ZMAT3: variants seen among roughly 807,000 people sequenced by gnomAD.
The protein encoded by ZMAT3 is zinc finger matrin-type 3.
A neutral mutation model predicts 32.3 loss-of-function variants in ZMAT3; 17 were observed. The ratio of observed to expected loss-of-function variants is 0.53; its 90% CI spans 0.36 to 0.79. The LOEUF (loss-of-function observed/expected upper bound fraction) is 0.79, where lower values mean the gene tolerates loss of function less well. ZMAT3 is among the 30% of genes least tolerant of loss of function. ZMAT3 has a pLI of 0.00. For missense variants in ZMAT3, 329 were observed against 359.7 expected (o/e 0.91, Z 0.69); for synonymous variants, 120 against 133.1 (o/e 0.90, Z 0.68).
chr3:179,069,934 G>A (rs2108595088), intron 1 of ZMAT3, among the ~76,000 whole-genome samples: 1 of 152,238 alleles, frequency 6.6e-6, no homozygotes, highest in South Asian at 2.1e-4. Flanking sequence ...TCTCTTAATT[G>A]AATCAAGCAA....
At chr3:179,047,265 T>C (rs1415389221) in intron 2 of ZMAT3, among the ~76,000 whole-genome samples, 2 of 152,124 alleles carry the variant, frequency 1.3e-5, no homozygotes, top group African/African-American at 2.4e-5. Flanking sequence ...TAACAATTAT[T>C]GCAGTTCAGC....
At chr3:179,066,292 G>A (rs532967785) in intron 2 of ZMAT3, among the ~76,000 whole-genome samples, 46 of 152,232 alleles carry the variant, frequency 3.0e-4, no homozygotes, top group East Asian at 2.7e-3. Context: ...CAAGAGCTGC[G>A]AGATATAATT....
chr3:179,061,934 G>T (rs1241770076), intron 2 of ZMAT3, among the ~76,000 whole-genome samples: 1 of 152,078 alleles, frequency 6.6e-6, no homozygotes, highest in African/African-American at 2.4e-5. Flanking sequence ...GATCAATCTT[G>T]ACAGTGTCAA....
rs548819331 is a variant in ZMAT3 at position 179,038,351 on chromosome 3, C to A, written c.271-7352G>T. Among the ~76,000 whole-genome samples, 8 of 152,262 alleles carry A rather than the reference C, an allele frequency of 5.3e-5. No homozygotes were observed. The South Asian group carries it at 8.3e-4, about 16-fold the overall frequency. ...ATCCCAGCACTTTGGGAGGCTGAGG[C>A]AGAAGGATCACTTGAGTCTAAGACT... On this transcript the variant is annotated intron_variant, in intron 2 of 5. Transcript: ENST00000311417.
chr3:179,047,705 A>G (rs942415392), intron 2 of ZMAT3, among the ~76,000 whole-genome samples: 6 of 151,646 alleles, frequency 4.0e-5, no homozygotes, highest in South Asian at 4.2e-4. Flanking sequence ...ATACAAAAAA[A>G]AAAAATAGCC....
rs1164517696 is a variant in ZMAT3 at position 179,023,710 on chromosome 3, ATTTTTTTTTTT to A, written c.*1296_*1306del. On this transcript the variant is annotated 3_prime_UTR_variant, in exon 6 of 6. Coordinates refer to ENST00000311417, the MANE Select transcript of ZMAT3 (RefSeq NM_022470.4). ...GGAAAATATATCTATATATATATAT[ATTTTTTTTTTT>A]TTTTTTTTTTTTTTTTTGAGACGGA... 8.0e-5 allele frequency: 2 copies of A among 25,072 alleles called. No individual in the cohort carries two copies. The highest frequency in any genetic ancestry group is 6.0e-5 in the Non-Finnish European group (1 of 16,732). The allele number at this position is 25,072 out of a possible 1,614,324, so 1.6% of individuals were successfully genotyped here.
Position 179,026,755 on chromosome 3 carries a change from A to G in ZMAT3, c.658+668T>C, listed in dbSNP as rs373788086. Among the ~76,000 whole-genome samples, 5 of 151,898 alleles carry G rather than the reference A, an allele frequency of 3.3e-5. No homozygotes were observed. The South Asian group carries it at 6.2e-4, about 19-fold the overall frequency. ...GGCTTTTCAGTTAGCTCTGTTTTCT[A>G]TTTGTTTCACTGTTCAAGTAAATGA... On this transcript the variant is annotated intron_variant, in intron 5 of 5. Transcript: ENST00000311417.
At chr3:179,059,633 A>G (rs534765270) in intron 2 of ZMAT3, among the ~76,000 whole-genome samples, 69 of 152,316 alleles carry the variant, frequency 4.5e-4, no homozygotes, top group Non-Finnish European at 8.8e-4. Context: ...GATGCAGTCC[A>G]TGACTAAAAT....
rs1718560109 is a variant in ZMAT3 at position 179,021,820 on chromosome 3, C to T, written c.*3197G>A. 1 of 152,216 alleles carries T rather than the reference C, an allele frequency of 6.6e-6. No homozygotes were observed. 9.4% of individuals were successfully genotyped at this position (152,216 alleles called of 1,614,324 possible). The stretch of plus-strand genomic sequence containing the variant: ...CAGAGATGTATCTATTTAGGCATTT[C>T]CTGCCTGATAACCTCTGTCACCCTT... On this transcript the variant is annotated 3_prime_UTR_variant, in exon 6 of 6. Coordinates refer to ENST00000311417, the MANE Select transcript of ZMAT3 (RefSeq NM_022470.4).
At chr3:179,034,748 G>A (rs1310785892) in intron 2 of ZMAT3, among the ~76,000 whole-genome samples, 1 of 152,148 alleles carries the variant, frequency 6.6e-6, no homozygotes, top group East Asian at 1.9e-4. Context: ...ATCCACAGTA[G>A]GTAAATGGCA....
Position 179,024,676 on chromosome 3 carries a change from T to G in ZMAT3, c.*341A>C, listed in dbSNP as rs1560082091. 4.7e-6 allele frequency: 1 copy of G among 211,472 alleles called. No individual in the cohort carries two copies. Among genetic ancestry groups the G allele is most frequent in the African/African-American group, 2.2e-5 (1 of 44,714 alleles). The allele number at this position is 211,472 out of a possible 1,614,324, so 13.1% of individuals were successfully genotyped here. A position where few individuals can be genotyped will look rare whatever the true frequency, so the allele number is the denominator to read the frequency against. ...AAATTGCAAAAGAAAATGAAACTTT[T>G]AAATAGTCAAAGTTCTAAGCCGTCA... On this transcript the variant is annotated 3_prime_UTR_variant, in exon 6 of 6. Coordinates refer to ENST00000311417, the MANE Select transcript of ZMAT3 (RefSeq NM_022470.4).
chr3:179,030,058 T>A (rs964664411), intron 3 of ZMAT3, among the ~76,000 whole-genome samples: 1 of 152,214 alleles, frequency 6.6e-6, no homozygotes, highest in Non-Finnish European at 1.5e-5. Flanking sequence ...GTAGACTCCA[T>A]GTTTCAGAGG....
chr3:179,067,744 G>A lies in ZMAT3; in HGVS notation c.9C>T (p.Leu3=). The A allele has an allele frequency of 2.5e-6, 4 of 1,614,054 alleles. No individual in the cohort carries two copies. The Admixed American group carries it at 5.0e-5, about 20-fold the overall frequency. Residue 3 remains leucine, a synonymous_variant, in exon 2 of 6, where the codon CTC becomes CTT. Transcript: ENST00000311417. MI[L]LQHAVLPPPK... ...GTGGAGGAAGCACGGCGTGTTGCAA[G>A]AGGATCATTGGGTAGGGAAGCCTGG...
rs191637787 is a variant in ZMAT3 at position 179,059,879 on chromosome 3, C to T, written c.270+7604G>A. On this transcript the variant is annotated intron_variant, in intron 2 of 5. Transcript: ENST00000311417. ...CTAGGTCGACTAAGAATCCCTAAGC[C>T]TAGCTGGGAAGGTGACCGTGTCCAC... Among the ~76,000 whole-genome samples the T allele has an allele frequency of 8.0e-4, 122 of 152,262 alleles. 2 individuals carry two copies. Among genetic ancestry groups the T allele is most frequent in the Middle Eastern group, 3.4e-3 (1 of 294 alleles).
intron 2 of ZMAT3, among the ~76,000 whole-genome samples, chr3:179,054,897 T>C (rs963583987): frequency 5.3e-5 from 8 of 152,220 alleles, no homozygotes; most frequent in Non-Finnish European, 7.3e-5. Flanking sequence ...CTAATTGAGC[T>C]GAACACTAGT....
At chr3:179,054,865 C>A (rs116238197) in intron 2 of ZMAT3, among the ~76,000 whole-genome samples, 1,562 of 152,332 alleles carry the variant, frequency 0.01, 27 homozygotes, top group African/African-American at 0.036. Flanking sequence ...TGTTCCCACA[C>A]GGCTAAGTGC....
At chr3:179,043,257 G>A (rs1205505314) in intron 2 of ZMAT3, among the ~76,000 whole-genome samples, 5 of 152,142 alleles carry the variant, frequency 3.3e-5, no homozygotes, top group African/African-American at 4.8e-5. Flanking sequence ...AAAAGAGCCC[G>A]CATTGCCAAG....
At chr3:179,062,683 G>A (rs1170349901) in intron 2 of ZMAT3, among the ~76,000 whole-genome samples, 1 of 152,194 alleles carries the variant, frequency 6.6e-6, no homozygotes, top group Admixed American at 6.5e-5. Flanking sequence ...GCTGACAGAC[G>A]AGTAGTATGG....
In ZMAT3 at chr3:179,031,839, G is replaced by A. The variant is rs377516664; in HGVS notation, c.271-840C>T. ...GGAGAACCACTTTAACCTGGGAGGCGGAGGTTGCAGTGAGCGGAAATCACA... is the reference window on the plus strand; with the variant it reads ...GGAGAACCACTTTAACCTGGGAGGCAGAGGTTGCAGTGAGCGGAAATCACA... On this transcript the variant is annotated intron_variant, in intron 2 of 5. Coordinates refer to ENST00000311417, the MANE Select transcript of ZMAT3 (RefSeq NM_022470.4). Among the ~76,000 whole-genome samples, 346 of 151,360 alleles carry A rather than the reference G, an allele frequency of 2.3e-3. 3 individuals are homozygous for A. The highest frequency in any genetic ancestry group is 3.4e-3 in the Middle Eastern group (1 of 290).
Sources: allele counts gnomAD v4.1 joint callset (sites outside exome capture counted in the v4.1 genomes callset), GRCh38; gene constraint gnomAD v4.1.1; transcripts MANE v1.5; gene names NCBI Gene and HGNC (gene_info 2026-07-23, HGNC 2026-07-21).